The following GRIN2D variants were observed in gnomAD, a reference collection of about 807,000 sequenced individuals.
GRIN2D encodes the protein glutamate receptor ionotropic, NMDA 2D.
A neutral mutation model predicts 103.2 loss-of-function variants in GRIN2D; 37 were observed. That is an observed-to-expected ratio of 0.36 (90% CI 0.28 to 0.47). The LOEUF is 0.47. Among genes scored for constraint, GRIN2D ranks in the 20% least tolerant of loss-of-function variants. GRIN2D has a pLI of 1.00. For missense variants in GRIN2D, 1,557 were observed against 1,910.6 expected, an observed-to-expected ratio of 0.81 and a Z score of 3.45; for synonymous variants, 845 against 885.6, an observed-to-expected ratio of 0.95 and a Z score of 0.81.
At chr19:48,404,713 A>T in intron 3 of GRIN2D, 21 bp from the exon 4 acceptor site, 1 of 1,568,726 alleles carries the variant, frequency 6.4e-7, no homozygotes, top group South Asian at 1.2e-5. Context: ...CAGGCCTGAC[A>T]TCCTCCTCCC....
In GRIN2D at chr19:48,441,943, G is replaced by T; in HGVS notation, c.2427G>T (p.Gln809His). ...GGCCCATCGACCTGGCGTTGCTGCA[G>T]TTCCTGGGGGATGGTGCGGCTGCAC... ...WKRPIDLALL[Q>H]FLGDDEIEML... The change falls in exon 12 of 14, where the codon CAG becomes CAT. Residue 809 changes from glutamine to histidine, a missense_variant. Physicochemically the swap from Gln to His is conservative, Grantham distance 24 (BLOSUM62 0). This residue lies in a region of GRIN2D where 138 missense variants were observed against 270.2 expected (regional missense o/e 0.51). Transcript: ENST00000263269. The T allele has an allele frequency of 6.2e-7, 1 of 1,606,574 alleles. No individual in the cohort carries two copies. The highest frequency in any genetic ancestry group is 8.5e-7 in the Non-Finnish European group (1 of 1,177,490).
At chr19:48,408,912 G>A (rs886561101) in intron 4 of GRIN2D, among the ~76,000 whole-genome samples, 2 of 152,136 alleles carry the variant, frequency 1.3e-5, no homozygotes, top group Non-Finnish European at 2.9e-5. Context: ...AACAGCAGGT[G>A]CAAAGGCTCT....
rs866725562 is a variant in GRIN2D, at chr19:48,424,522, A to G, written c.2252+2577A>G. Among the ~76,000 whole-genome samples the G allele has an allele frequency of 7.2e-5, 11 of 151,800 alleles. No homozygotes were observed. In the South Asian group the frequency reaches 8.3e-4, roughly 12 times the overall value. ...CCTGACCTCGTGATCCACCCGCCTC[A>G]GCCTCCCAAAGTGCTGGGATTACAG... On this transcript the variant is annotated intron_variant, in intron 11 of 13. Transcript: ENST00000263269.
chr19:48,425,960 T>C (rs1423245736), intron 11 of GRIN2D, among the ~76,000 whole-genome samples: 2 of 152,106 alleles, frequency 1.3e-5, no homozygotes, highest in Non-Finnish European at 2.9e-5. Flanking sequence ...TAGAATATCA[T>C]ATAATTAGTT....
intron 10 of GRIN2D, among the ~76,000 whole-genome samples, chr19:48,420,696 G>T (rs903703663): frequency 4.0e-5 from 6 of 151,746 alleles, no homozygotes; most frequent in African/African-American, 1.5e-4. Flanking sequence ...CGTGGTAGTG[G>T]GTGCCTGTAG....
At chr19:48,413,520 A>C (rs1970901773) in intron 4 of GRIN2D, among the ~76,000 whole-genome samples, 1 of 148,496 alleles carries the variant, frequency 6.7e-6, no homozygotes, top group Non-Finnish European at 1.5e-5. Flanking sequence ...ATATTAGCCA[A>C]GCATGGTGGT....
chr19:48,443,497 C>G lies in GRIN2D; in HGVS notation c.3571C>G (p.Pro1191Ala), dbSNP rs1971334984. 8.1e-6 allele frequency: 11 copies of G among 1,358,896 alleles called. No homozygotes were observed. Among genetic ancestry groups the G allele is most frequent in the Non-Finnish European group, 1.0e-5 (11 of 1,056,100 alleles). The allele number at this position is 1,358,896 out of a possible 1,614,324, so 84.2% of individuals were successfully genotyped here. A position where few individuals can be genotyped will look rare whatever the true frequency, so the allele number is the denominator to read the frequency against. Residue 1191 changes from proline (P) to alanine (A), a missense_variant, in exon 14 of 14, where the codon CCG becomes GCG. Physicochemically the swap from Pro to Ala is conservative, Grantham distance 27 (BLOSUM62 -1). This residue lies in a region of GRIN2D where 632 missense variants were observed against 572.8 expected (regional missense o/e 1.10). Transcript: ENST00000263269. The surrounding 1 kb of genome is among the most constrained non-coding windows in gnomAD (Gnocchi z 8.9). The stretch of plus-strand genomic sequence containing the variant: ...CTGCGCCAGCCTGGAGCTGCTGCCG[C>G]CGCCGCGCCATCTCAGCTGCTCGCA... ...RHCASLELLP[P>A]PRHLSCSHDG...
At chr19:48,411,257 AGAGGTTGCAGT>A (rs1970855317) in intron 4 of GRIN2D, among the ~76,000 whole-genome samples, 1 of 151,786 alleles carries the variant, frequency 6.6e-6, no homozygotes, top group Non-Finnish European at 1.5e-5. Context: ...CCTGTGAGGC[AGAGGTTGCAGT>A]GAGCCAAGAT....
chr19:48,443,878 G>T lies in GRIN2D; in HGVS notation c.3952G>T (p.Gly1318Trp). The T allele has an allele frequency of 6.8e-7, 1 of 1,476,394 alleles. No homozygotes were observed. Among genetic ancestry groups the T allele is most frequent in the African/African-American group, 1.5e-5 (1 of 68,106 alleles). 91.5% of individuals were successfully genotyped at this position (1,476,394 alleles called of 1,614,324 possible). A position where few individuals can be genotyped will look rare whatever the true frequency, so the allele number is the denominator to read the frequency against. ...AGCTTCCCACCGGAGACACCGGGGC[G>T]GGGACCTGGGCACCCGCAGGGGCTC... ...PTASHRRHRG[G>W]DLGTRRGSAH... The change falls in exon 14 of 14, where the codon GGG (glycine) becomes TGG (tryptophan). Residue 1318 changes from glycine to tryptophan, a missense_variant. Physicochemically the swap from Gly to Trp is radical, Grantham distance 184 (BLOSUM62 -2). Transcript: ENST00000263269. This position sits in a 1 kb window ranked among gnomAD's most constrained non-coding sequence, Gnocchi z 8.9.
rs532243686 is a variant in GRIN2D, at chr19:48,444,276, T to A, written c.*339T>A. ...CGTCCCACCTCCACGCCCGGGGCCGTGGCCCCCACATCACTGTGCAGCTCC... is the reference window on the plus strand; with the variant it reads ...CGTCCCACCTCCACGCCCGGGGCCGAGGCCCCCACATCACTGTGCAGCTCC... On this transcript the variant is annotated 3_prime_UTR_variant, in exon 14 of 14. Transcript: ENST00000263269. This position sits in a 1 kb window ranked among gnomAD's most constrained non-coding sequence, Gnocchi z 5.5. 1.2e-4 allele frequency: 27 copies of A among 216,074 alleles called. 1 individual carries two copies. In the South Asian group the frequency reaches 2.5e-3, roughly 20 times the overall value. The allele number at this position is 216,074 out of a possible 1,614,324, so 13.4% of individuals were successfully genotyped here. A position where few individuals can be genotyped will look rare whatever the true frequency, so the allele number is the denominator to read the frequency against.
chr19:48,439,341 C>T (rs1207689111), intron 11 of GRIN2D, among the ~76,000 whole-genome samples: 1 of 152,096 alleles, frequency 6.6e-6, no homozygotes. Flanking sequence ...AAGAGTTACA[C>T]AGTATTCCTC....
At chr19:48,440,492 C>T (rs1971278424) in intron 11 of GRIN2D, among the ~76,000 whole-genome samples, 1 of 152,112 alleles carries the variant, frequency 6.6e-6, no homozygotes, top group Non-Finnish European at 1.5e-5. Flanking sequence ...ACTGAGGAGG[C>T]TGAGGCAGGA....
chr19:48,440,206 G>A (rs939714866), intron 11 of GRIN2D, among the ~76,000 whole-genome samples: 2 of 151,864 alleles, frequency 1.3e-5, no homozygotes, highest in African/African-American at 4.8e-5. Context: ...AGTGAAACTC[G>A]GTCTCAAGAA....
intron 11 of GRIN2D, among the ~76,000 whole-genome samples, chr19:48,436,034 A>G (rs1971225177): frequency 1.3e-5 from 2 of 152,326 alleles, no homozygotes; most frequent in Non-Finnish European, 2.9e-5. Flanking sequence ...TGGAGCAAAC[A>G]CCTGACGGAG....
intron 11 of GRIN2D, among the ~76,000 whole-genome samples, chr19:48,428,760 C>T (rs1417528517): frequency 6.6e-6 from 1 of 152,094 alleles, no homozygotes; most frequent in East Asian, 1.9e-4. Flanking sequence ...GCCCTATATA[C>T]AAATAAGGTC....
At chr19:48,436,895 G>C (rs1310024295) in intron 11 of GRIN2D, among the ~76,000 whole-genome samples, 1 of 152,160 alleles carries the variant, frequency 6.6e-6, no homozygotes, top group Admixed American at 6.5e-5. Flanking sequence ...GGGGTGTCAG[G>C]TGGCACAGGG....
At chr19:48,403,198 C>CAAA (rs145115482) in intron 3 of GRIN2D, among the ~76,000 whole-genome samples, 8 of 91,328 alleles carry the variant, frequency 8.8e-5, no homozygotes, top group East Asian at 3.0e-4. Flanking sequence ...GACTCTGTCT[C>CAAA]AAAAAAAAAA....
intron 10 of GRIN2D, among the ~76,000 whole-genome samples, chr19:48,420,940 C>T (rs1399177295): frequency 2.0e-5 from 3 of 152,212 alleles, no homozygotes; most frequent in African/African-American, 7.2e-5. Context: ...ACACATCTCA[C>T]TGCAATCACC....
intron 4 of GRIN2D, among the ~76,000 whole-genome samples, chr19:48,407,945 C>A (rs1487505001): frequency 6.6e-6 from 1 of 152,040 alleles, no homozygotes; most frequent in East Asian, 1.9e-4. Context: ...CTCAGCATTT[C>A]GGGAGGCTGA....
Sources: allele counts gnomAD v4.1 joint callset (sites outside exome capture counted in the v4.1 genomes callset), GRCh38; gene constraint gnomAD v4.1.1; regional missense constraint gnomAD v4.1.1; non-coding constraint Gnocchi (gnomAD v3.1); transcripts MANE v1.5; gene names NCBI Gene and HGNC (gene_info 2026-07-23, HGNC 2026-07-21).